BLK: variants seen among roughly 807,000 people sequenced by gnomAD.
BLK encodes the protein BLK proto-oncogene, Src family tyrosine kinase.
A neutral mutation model predicts 61.8 loss-of-function variants in BLK; 64 were observed. The observed-to-expected ratio is 1.03, with a 90% CI of 0.85 to 1.27. The LOEUF (loss-of-function observed/expected upper bound fraction) is 1.27. BLK is among the 50% of genes most tolerant of loss of function. BLK has a pLI of 0.00. For missense variants in BLK, 853 were observed against 660.5 expected (o/e 1.29, Z -3.19); for synonymous variants, 351 against 272.0 (o/e 1.29, Z -2.86).
At chr8:11,555,550 G>C (rs1563120602) in intron 8 of BLK, 66 bp downstream of exon 8, 2 of 1,608,830 alleles carry the variant, frequency 1.2e-6, no homozygotes, top group East Asian at 4.5e-5. Flanking sequence ...CTGAGTCCAG[G>C]TTCAGCATTT....
Position 11,548,608 on chromosome 8 carries a change from A to G in BLK, c.270-416A>G, listed in dbSNP as rs111957648. On this transcript the variant is annotated intron_variant, in intron 4 of 12. Coordinates refer to ENST00000259089, the MANE Select transcript of BLK (RefSeq NM_001715.3). Reference sequence around the variant, plus strand: ...CTCAGTGGCCAGGCTTGTCCTGTGGAGCTCTGAGGGTCTGATTTGGTTCTT... The same window carrying G: ...CTCAGTGGCCAGGCTTGTCCTGTGGGGCTCTGAGGGTCTGATTTGGTTCTT... 2.6e-3 allele frequency among the ~76,000 whole-genome samples: 399 copies of G among 152,210 alleles called. 2 individuals carry two copies. The highest frequency in any genetic ancestry group is 9.3e-3 in the African/African-American group (386 of 41,522).
chr8:11,537,618 C>T (rs1469123005), intron 1 of BLK, among the ~76,000 whole-genome samples: 2 of 152,200 alleles, frequency 1.3e-5, no homozygotes, highest in Admixed American at 6.5e-5. Context: ...ACAGTAACAC[C>T]CTCCAGCTGC....
chr8:11,535,284 G>GAA (rs778302813), intron 1 of BLK, among the ~76,000 whole-genome samples: 1 of 138,754 alleles, frequency 7.2e-6, no homozygotes, highest in South Asian at 2.6e-4. Flanking sequence ...AAGAAAGAAA[G>GAA]AAAGAAAGAA....
intron 6 of BLK, chr8:11,554,351 T>C: frequency 3.1e-6 from 1 of 319,952 alleles, no homozygotes; most frequent in Non-Finnish European, 6.1e-6. Flanking sequence ...AGATACCCTC[T>C]TTAGCCAGAA....
At position 11,563,270 on chromosome 8, in the gene BLK, C is replaced by G. The variant is rs2251200; in HGVS notation, c.1312+160C>G. On this transcript the variant is annotated intron_variant, in intron 12 of 12. Transcript: ENST00000259089. ...ATGGCATCTGGGGTGGAGCTCTGCC[C>G]CCTGCATCACTATTGCTCTGGGCCA... Among the ~76,000 whole-genome samples the G allele has an allele frequency of 5.3e-5, 8 of 152,328 alleles. 1 individual carries two copies. The Middle Eastern group carries it at 0.017, about 324-fold the overall frequency.
intron 1 of BLK, among the ~76,000 whole-genome samples, chr8:11,532,596 TC>T: frequency 6.6e-6 from 1 of 152,290 alleles, no homozygotes; most frequent in South Asian, 2.1e-4. Context: ...TTTTCTCTCT[TC>T]ATTGTCTTAT....
At chr8:11,519,215 G>T (rs1406494879) in intron 1 of BLK, among the ~76,000 whole-genome samples, 1 of 152,172 alleles carries the variant, frequency 6.6e-6, no homozygotes, top group Admixed American at 6.5e-5. Context: ...TCAAAGGAAG[G>T]AATCAGACCC....
chr8:11,502,158 T>G (rs903018446), intron 1 of BLK, among the ~76,000 whole-genome samples: 2 of 152,242 alleles, frequency 1.3e-5, no homozygotes, highest in Non-Finnish European at 2.9e-5. Flanking sequence ...TAGCTATTAT[T>G]AAGATGCAGT....
rs550954937 is a variant in BLK at position 11,558,502 on chromosome 8, G to T, written c.1029+464G>T. 8.0e-6 allele frequency: 3 copies of T among 375,070 alleles called. No homozygotes were observed. In the East Asian group the frequency reaches 2.2e-4, roughly 27 times the overall value. 23.2% of individuals were successfully genotyped at this position (375,070 alleles called of 1,614,324 possible). ...TTGCACAGCCCTGGCGTCGACCCCA[G>T]GCTGATGGGCAGGCCTGAGCTACAC... On this transcript the variant is annotated intron_variant, in intron 10 of 12. Coordinates refer to ENST00000259089, the MANE Select transcript of BLK (RefSeq NM_001715.3).
intron 6 of BLK, 25 bp from the exon 7 acceptor site, chr8:11,554,718 G>T (rs372017480): frequency 6.8e-6 from 11 of 1,611,602 alleles, no homozygotes; most frequent in Non-Finnish European, 7.6e-6. Flanking sequence ...CTTACTTCTC[G>T]TGTGTGTCTT....
At chr8:11,501,210 A>G (rs1336693075) in intron 1 of BLK, among the ~76,000 whole-genome samples, 2 of 152,166 alleles carry the variant, frequency 1.3e-5, no homozygotes, top group African/African-American at 4.8e-5. Flanking sequence ...TAAAAATTAA[A>G]TGATACTTTT....
intron 10 of BLK, chr8:11,559,787 G>A (rs1198608495): frequency 2.2e-6 from 1 of 455,940 alleles, no homozygotes; most frequent in African/African-American, 2.0e-5. Context: ...TTCCCACCTG[G>A]CAGAATCCTT....
At chr8:11,532,001 G>A (rs908001233) in intron 1 of BLK, among the ~76,000 whole-genome samples, 5 of 151,980 alleles carry the variant, frequency 3.3e-5, no homozygotes, top group African/African-American at 1.2e-4. Flanking sequence ...TGTGATTACA[G>A]GCACCTGCCA....
At chr8:11,517,360 G>A (rs955071342) in intron 1 of BLK, among the ~76,000 whole-genome samples, 1 of 152,158 alleles carries the variant, frequency 6.6e-6, no homozygotes, top group Non-Finnish European at 1.5e-5. Context: ...AATTGACCAG[G>A]AACTCACCTC....
At chr8:11,551,805 G>A (rs1800917319) in intron 6 of BLK, among the ~76,000 whole-genome samples, 3 of 152,154 alleles carry the variant, frequency 2.0e-5, no homozygotes, top group Non-Finnish European at 1.5e-5. Context: ...GATGAGGAAA[G>A]GGAGTCCCTG....
chr8:11,549,959 C>T, intron 5 of BLK, 200 bp from the exon 6 acceptor site: 1 of 638,634 alleles, frequency 1.6e-6, no homozygotes, highest in Non-Finnish European at 2.9e-6. Flanking sequence ...CCAGGGCTGA[C>T]AGGAAGCGGA....
Position 11,529,131 on chromosome 8 carries a change from C to G in BLK, c.-1-14093C>G, listed in dbSNP as rs140274884. ...AAATAATAGTAATAATAATAATTAG[C>G]CCTAATATAAGGAGTGAAAGTGTAA... is the stretch of plus-strand genomic sequence containing the variant. On this transcript the variant is annotated intron_variant, in intron 1 of 12. Transcript: ENST00000259089. 5.4e-3 allele frequency among the ~76,000 whole-genome samples: 826 copies of G among 152,210 alleles called. 8 individuals are homozygous for G. Among genetic ancestry groups the G allele is most frequent in the African/African-American group, 0.017 (694 of 41,518 alleles).
intron 1 of BLK, among the ~76,000 whole-genome samples, chr8:11,505,742 G>T (rs1798747932): frequency 6.6e-6 from 1 of 152,176 alleles, no homozygotes; most frequent in Non-Finnish European, 1.5e-5. Flanking sequence ...TTGAGAACAA[G>T]GGCCAAGTCT....
chr8:11,555,145 G>C (rs1003887442), intron 7 of BLK, among the ~76,000 whole-genome samples, 187 bp from the exon 8 acceptor site: 5 of 152,162 alleles, frequency 3.3e-5, no homozygotes, highest in Admixed American at 2.0e-4. Context: ...TTTAGAGATA[G>C]CATGCCCTGC....
Sources: gnomAD v4.1 joint callset for allele counts (sites outside exome capture counted in the v4.1 genomes callset) on GRCh38, gnomAD v4.1.1 for gene constraint, MANE v1.5 for transcripts, NCBI Gene and HGNC (gene_info 2026-07-23, HGNC 2026-07-21) for gene names.